Variants in EMC2 observed in about 807,000 individuals in gnomAD.
The protein encoded by EMC2 is TPR repeat protein 35.
EMC2 carries 37 observed loss-of-function variants against 51.6 expected under a neutral mutation model. The observed-to-expected ratio is 0.72, with a 90% confidence interval of 0.55 to 0.94. The LOEUF is 0.94. Among genes scored for constraint, EMC2 ranks in the 40% least tolerant of loss-of-function variants. The pLI, the probability that EMC2 is intolerant of heterozygous loss-of-function variation, is 0.00. For missense variants in EMC2, 359 were observed against 350.9 expected (o/e 1.02, Z -0.18); for synonymous variants, 131 against 112.4 (o/e 1.17, Z -1.04).
intron 1 of EMC2, among the ~76,000 whole-genome samples, chr8:108,448,978 TAAAA>T (rs1818948057): frequency 6.6e-6 from 1 of 152,164 alleles, no homozygotes; most frequent in Non-Finnish European, 1.5e-5. Flanking sequence ...TAGTATGAAA[TAAAA>T]GTCTTCCAAG....
intron 10 of EMC2, among the ~76,000 whole-genome samples, chr8:108,479,673 T>C (rs1811012516): frequency 6.6e-6 from 1 of 152,194 alleles, no homozygotes; most frequent in Non-Finnish European, 1.5e-5. Flanking sequence ...TTTAGCCTTA[T>C]TTGTCTATAG....
chr8:108,479,948 G>T (rs1400188788), intron 10 of EMC2, among the ~76,000 whole-genome samples: 3 of 152,070 alleles, frequency 2.0e-5, no homozygotes, highest in South Asian at 4.2e-4. Context: ...ATATGATGCC[G>T]TCTTGACTTA....
chr8:108,476,402 T>C (rs1810947186), intron 8 of EMC2, among the ~76,000 whole-genome samples: 1 of 151,930 alleles, frequency 6.6e-6, no homozygotes, highest in Admixed American at 6.6e-5. Flanking sequence ...TATTAAAGAA[T>C]GTCCATGCAG....
At chr8:108,452,229 A>T (rs1259662040) in intron 3 of EMC2, among the ~76,000 whole-genome samples, 1 of 152,184 alleles carries the variant, frequency 6.6e-6, no homozygotes, top group African/African-American at 2.4e-5. Context: ...CATCCGTTTA[A>T]TGTCTGTATT....
intron 5 of EMC2, among the ~76,000 whole-genome samples, chr8:108,457,148 T>C (rs894154901): frequency 6.6e-6 from 1 of 152,226 alleles, no homozygotes; most frequent in African/African-American, 2.4e-5. Context: ...TCTCTGCTTA[T>C]TTCCTTTGAT....
intron 5 of EMC2, among the ~76,000 whole-genome samples, chr8:108,458,660 T>A (rs10464817): frequency 0.68 from 103,921 of 151,912 alleles, 36,113 homozygotes; most frequent in African/African-American, 0.81. Context: ...GGTTGCACAC[T>A]GCACGGGACC....
At chr8:108,449,598 A>G (rs1355336834) in intron 1 of EMC2, among the ~76,000 whole-genome samples, 1 of 152,028 alleles carries the variant, frequency 6.6e-6, no homozygotes, top group Non-Finnish European at 1.5e-5. Flanking sequence ...AGATAGTCAT[A>G]ATACCAGTTG....
intron 7 of EMC2, among the ~76,000 whole-genome samples, chr8:108,471,299 A>G (rs559008429): frequency 2.1e-4 from 32 of 152,012 alleles, no homozygotes; most frequent in African/African-American, 7.7e-4. Flanking sequence ...AATTAGCATT[A>G]ATTTTATTTT....
chr8:108,474,473 C>T (rs527646390), intron 7 of EMC2: 1 of 151,714 alleles, frequency 6.6e-6, no homozygotes, highest in Non-Finnish European at 1.5e-5. Flanking sequence ...TATTAAATAC[C>T]TATCATGTGT....
At position 108,449,561 on chromosome 8, in the gene EMC2, C is replaced by T. The variant is rs371473720; in HGVS notation, c.41-262C>T. Among the ~76,000 whole-genome samples, 129 of 152,286 alleles carry T rather than the reference C, an allele frequency of 8.5e-4. 2 individuals are homozygous for T. The South Asian group carries it at 0.025, about 30-fold the overall frequency. Reference sequence around the variant, plus strand: ...TCCTGGCATTACTGATGTAAGCCACCGTGCCTGGCCCATTCATCACTTCTA... The same window carrying T: ...TCCTGGCATTACTGATGTAAGCCACTGTGCCTGGCCCATTCATCACTTCTA... On this transcript the variant is annotated intron_variant, in intron 1 of 10. Transcript: ENST00000220853.
At chr8:108,459,721 A>AGAGAGAGAGAGAGTGT (rs763020311) in intron 5 of EMC2, among the ~76,000 whole-genome samples, 59 of 136,970 alleles carry the variant, frequency 4.3e-4, no homozygotes, top group African/African-American at 1.7e-3. Context: ...AGAGAGAGAG[A>AGAGAGAGAGAGAGTGT]GTGTGTGTGT....
intron 5 of EMC2, among the ~76,000 whole-genome samples, chr8:108,460,739 T>A (rs1358681809): frequency 6.6e-6 from 1 of 152,226 alleles, no homozygotes; most frequent in African/African-American, 2.4e-5. Flanking sequence ...ACTTCTAGTT[T>A]CAAGCATTTT....
At chr8:108,471,112 CTG>C (rs1810847310) in intron 7 of EMC2, 2 of 151,880 alleles carry the variant, frequency 1.3e-5, no homozygotes, top group Admixed American at 1.3e-4. Context: ...CTGCTATACT[CTG>C]AAACAGATAT....
chr8:108,445,089 G>A (rs1586171731), intron 1 of EMC2, among the ~76,000 whole-genome samples: 1 of 152,188 alleles, frequency 6.6e-6, no homozygotes, highest in African/African-American at 2.4e-5. Context: ...ACGAGTAGCT[G>A]TATACTACCA....
chr8:108,477,458 A>G (rs1037563376), intron 9 of EMC2, among the ~76,000 whole-genome samples: 1 of 152,056 alleles, frequency 6.6e-6, no homozygotes, highest in African/African-American at 2.4e-5. Context: ...AAACATATAT[A>G]TAAAGTGAGC....
chr8:108,470,344 TTA>T (rs373622018), intron 7 of EMC2, among the ~76,000 whole-genome samples: 16 of 152,190 alleles, frequency 1.1e-4, no homozygotes, highest in African/African-American at 3.9e-4. Flanking sequence ...GCCAAATTGT[TTA>T]TGTTTAGGAA....
At chr8:108,456,347 A>C (rs1188836467) in intron 5 of EMC2, among the ~76,000 whole-genome samples, 25 of 47,968 alleles carry the variant, frequency 5.2e-4, no homozygotes, top group African/African-American at 1.5e-3. Context: ...AAAAAAAAAA[A>C]GAAAAAAAAA....
rs1811173839 is a variant in EMC2, at chr8:108,488,018, G to A, written c.*1420G>A. 6.6e-6 allele frequency among the ~76,000 whole-genome samples: 1 copy of A among 152,012 alleles called. No homozygotes were observed. Among genetic ancestry groups the A allele is most frequent in the Admixed American group, 6.6e-5 (1 of 15,242 alleles). On this transcript the variant is annotated 3_prime_UTR_variant, in exon 11 of 11. Transcript: ENST00000220853. The stretch of plus-strand genomic sequence containing the variant: ...GAACCATTTGAAATTTACATTTTCT[G>A]TAAAGAAAATAGTGCCTGCACGTTG...
In EMC2 at chr8:108,486,768, A is replaced by G. The variant is rs141550449; in HGVS notation, c.*170A>G. 438 of 572,212 alleles carry G rather than the reference A, an allele frequency of 7.7e-4. 1 individual carries two copies. Among genetic ancestry groups the G allele is most frequent in the African/African-American group, 5.6e-3 (286 of 51,514 alleles). The allele number at this position is 572,212 out of a possible 1,614,324, so 35.4% of individuals were successfully genotyped here. A position where few individuals can be genotyped will look rare whatever the true frequency, so the allele number is the denominator to read the frequency against. ...AAACCTAAAAATGCCTTTTACTGCT[A>G]AGTGGGGAGATGGGGGAAATCCATG... is the stretch of plus-strand genomic sequence containing the variant. On this transcript the variant is annotated 3_prime_UTR_variant, in exon 11 of 11. Transcript: ENST00000220853.
Sources: allele counts gnomAD v4.1 joint callset (sites outside exome capture counted in the v4.1 genomes callset), GRCh38; gene constraint gnomAD v4.1.1; transcripts MANE v1.5; gene names NCBI Gene and HGNC (gene_info 2026-07-23, HGNC 2026-07-21).